The following C12orf42 variants were observed in gnomAD, a reference collection of about 807,000 sequenced individuals.
C12orf42 encodes the protein uncharacterized protein C12orf42.
C12orf42 carries 25 observed loss-of-function variants against 21.6 expected under a neutral mutation model. The ratio of observed to expected loss-of-function variants is 1.16; its 90% CI spans 0.84 to 1.62. The LOEUF is 1.62. Ranked by LOEUF, C12orf42 falls within the 40% of genes most tolerant of loss-of-function variation. C12orf42 has a pLI of 0.00. For missense variants in C12orf42, 483 were observed against 459.3 expected (o/e 1.05, Z -0.47); for synonymous variants, 174 against 175.0 (o/e 0.99, Z 0.05).
chr12:103,532,205 C>G, the C12orf42 span, among the ~76,000 whole-genome samples: 3 of 152,138 alleles, frequency 2.0e-5, no homozygotes, highest in Non-Finnish European at 2.9e-5. Flanking sequence ...CTCCCTACAC[C>G]CTGGGTATAA....
the C12orf42 span, among the ~76,000 whole-genome samples, chr12:103,086,879 A>C: frequency 6.6e-6 from 1 of 152,142 alleles, no homozygotes; most frequent in African/African-American, 2.4e-5. Flanking sequence ...AGTTAGGTTC[A>C]AGGTCACACA....
intron 2 of C12orf42, among the ~76,000 whole-genome samples, chr12:103,428,247 G>T (rs1414760231): frequency 1.3e-5 from 2 of 152,064 alleles, no homozygotes; most frequent in African/African-American, 4.8e-5. Context: ...AGAAAAAAGA[G>T]AAGAACCAAA....
chr12:103,374,557 T>C (rs1348846139), intron 3 of C12orf42, among the ~76,000 whole-genome samples: 2 of 152,146 alleles, frequency 1.3e-5, no homozygotes, highest in Non-Finnish European at 2.9e-5. Context: ...ATTTGTGAGA[T>C]GAGGGTTCAA....
At chr12:103,190,096 G>A in the C12orf42 span, among the ~76,000 whole-genome samples, 1 of 152,232 alleles carries the variant, frequency 6.6e-6, no homozygotes, top group South Asian at 2.1e-4. Context: ...AGAGAAGCTG[G>A]TAGTGTGACT....
At chr12:103,368,805 C>A (rs2044876549) in intron 4 of C12orf42, 82 bp downstream of exon 4, 2 of 703,094 alleles carry the variant, frequency 2.8e-6, no homozygotes, top group Non-Finnish European at 4.7e-6. Flanking sequence ...TTCTTCAATA[C>A]AATCTTTATG....
intron 3 of C12orf42, 76 bp from the exon 4 acceptor site, chr12:103,369,074 T>C: frequency 1.5e-6 from 1 of 674,748 alleles, no homozygotes; most frequent in Admixed American, 3.1e-5. Context: ...CACCTAGCAC[T>C]CTTACTTCCC....
At chr12:103,502,287 A>T in the C12orf42 span, among the ~76,000 whole-genome samples, 1 of 152,192 alleles carries the variant, frequency 6.6e-6, no homozygotes, top group Non-Finnish European at 1.5e-5. Context: ...ATCAGCTTTC[A>T]ACAAGACTCC....
At chr12:103,180,615 CTTTTTTTTTTT>C in the C12orf42 span, among the ~76,000 whole-genome samples, 455 of 62,008 alleles carry the variant, frequency 7.3e-3, 4 homozygotes, top group Middle Eastern at 0.016. Context: ...AAATAATTTC[CTTTTTTTTTTT>C]TTTTTTTTTT....
At chr12:103,089,096 C>T in the C12orf42 span, among the ~76,000 whole-genome samples, 67 of 83,044 alleles carry the variant, frequency 8.1e-4, no homozygotes, top group Admixed American at 2.0e-3. Flanking sequence ...AGCGAGACTC[C>T]ATCTCAAAAA....
chr12:103,181,946 C>A, the C12orf42 span, among the ~76,000 whole-genome samples: 1 of 152,182 alleles, frequency 6.6e-6, no homozygotes, highest in African/African-American at 2.4e-5. Context: ...CTCATTTTGC[C>A]ACCATGTCAC....
chr12:103,070,549 A>C, the C12orf42 span, among the ~76,000 whole-genome samples: 1 of 150,550 alleles, frequency 6.6e-6, no homozygotes, highest in African/African-American at 2.5e-5. Context: ...CACACCCGAC[A>C]CAGCCTCTTA....
intron 10 of C12orf42, among the ~76,000 whole-genome samples, chr12:103,241,035 T>C (rs2033711581): frequency 6.6e-6 from 1 of 152,194 alleles, no homozygotes. Context: ...TGTAAGAGAA[T>C]TGCAAATGTC....
intron 3 of C12orf42, among the ~76,000 whole-genome samples, chr12:103,392,241 C>G (rs955333091): frequency 6.6e-6 from 1 of 152,066 alleles, no homozygotes; most frequent in Non-Finnish European, 1.5e-5. Flanking sequence ...GTAGTAAGTT[C>G]TAAAATCAGG....
chr12:103,058,830 AGTGT>A, the C12orf42 span, among the ~76,000 whole-genome samples: 8 of 152,326 alleles, frequency 5.3e-5, no homozygotes, highest in African/African-American at 1.9e-4. Context: ...CGGCTAAAGC[AGTGT>A]TAAGAGAGAA....
At chr12:103,049,629 C>T in the C12orf42 span, among the ~76,000 whole-genome samples, 3 of 152,300 alleles carry the variant, frequency 2.0e-5, no homozygotes, top group Middle Eastern at 3.4e-3. Context: ...TCAAAATCCT[C>T]TCAATGGCCT....
At chr12:103,280,232 T>G (rs1231887221) in intron 4 of C12orf42, among the ~76,000 whole-genome samples, 2 of 152,130 alleles carry the variant, frequency 1.3e-5, no homozygotes, top group Non-Finnish European at 2.9e-5. Context: ...TCATATAGAT[T>G]GTAGTAGTGG....
chr12:103,102,157 T>A, the C12orf42 span, among the ~76,000 whole-genome samples: 1 of 152,210 alleles, frequency 6.6e-6, no homozygotes, highest in African/African-American at 2.4e-5. Flanking sequence ...AAGAAGCATG[T>A]TCACATGGAG....
chr12:103,309,194 G>T (rs755925444), intron 4 of C12orf42, among the ~76,000 whole-genome samples: 13 of 152,088 alleles, frequency 8.5e-5, no homozygotes, highest in Non-Finnish European at 1.6e-4. Context: ...GTTGACCCTT[G>T]AACTGAGCAG....
the C12orf42 span, among the ~76,000 whole-genome samples, chr12:103,542,137 C>A: frequency 6.6e-6 from 1 of 152,184 alleles, no homozygotes; most frequent in African/African-American, 2.4e-5. Flanking sequence ...CCTGTCAGCA[C>A]CATGACAATA....
Sources: gnomAD v4.1 joint callset for allele counts (sites outside exome capture counted in the v4.1 genomes callset) on GRCh38, gnomAD v4.1.1 for gene constraint, MANE v1.5 for transcripts, NCBI Gene and HGNC (gene_info 2026-07-23, HGNC 2026-07-21) for gene names.